Variants in DHRSX observed in about 807,000 individuals in gnomAD.
DHRSX encodes the protein dehydrogenase/reductase X-linked, also known as polyprenol dehydrogenase.
In DHRSX, 31 loss-of-function variants were observed where a neutral mutation model predicts 34.0. That is an observed-to-expected ratio of 0.91 (90% CI 0.69 to 1.23). The LOEUF is 1.23. Among genes scored for constraint, DHRSX ranks in the 50% most tolerant of loss-of-function variants. The probability of loss-of-function intolerance (pLI) is 0.00; values close to 1 mark genes in which losing one functional copy is unlikely to be tolerated. For synonymous variants in DHRSX, 201 were observed against 183.8 expected, an observed-to-expected ratio of 1.09 and a Z score of -0.76; for missense variants, 414 against 428.1, an observed-to-expected ratio of 0.97 and a Z score of 0.29.
intron 1 of DHRSX, among the ~76,000 whole-genome samples, chrX:2,469,049 C>T (rs2095142502): frequency 6.6e-6 from 1 of 151,460 alleles, no homozygotes; most frequent in Non-Finnish European, 1.5e-5. Flanking sequence ...GAGGGGCCTC[C>T]GCCATGTACA....
At chrX:2,282,855 G>C (rs1381961348) in intron 4 of DHRSX, among the ~76,000 whole-genome samples, 1 of 137,508 alleles carries the variant, frequency 7.3e-6, no homozygotes, top group African/African-American at 2.8e-5. Context: ...AGAGAGAAGG[G>C]AGAAGGGGAG....
chrX:2,221,310 G>T, intron 6 of DHRSX, 81 bp from the exon 7 acceptor site: 1 of 1,403,252 alleles, frequency 7.1e-7, no homozygotes, highest in Non-Finnish European at 9.8e-7. Flanking sequence ...CATGGATGCT[G>T]CAGGGACAGG....
chrX:2,381,570 C>T (rs1405068653), intron 3 of DHRSX, among the ~76,000 whole-genome samples: 5 of 151,210 alleles, frequency 3.3e-5, no homozygotes, highest in East Asian at 3.9e-4. Context: ...TGTGGTGAGC[C>T]GAGATCACAC....
In DHRSX at chrX:2,474,987, A is replaced by T. The variant is rs68088760; in HGVS notation, c.109+25830T>A. Among the ~76,000 whole-genome samples, 10 of 150,984 alleles carry T rather than the reference A, an allele frequency of 6.6e-5. No individual in the cohort carries two copies. The East Asian group carries it at 1.8e-3, about 27-fold the overall frequency. ...GTTCCCTAGGCATGTGGCCAAGGGA[A>T]TGCACTGAAGATGTTCCCTAAGCAT... On this transcript the variant is annotated intron_variant, in intron 1 of 6. Transcript: ENST00000334651.
chrX:2,409,010 C>T (rs764993116), intron 2 of DHRSX, among the ~76,000 whole-genome samples, 197 bp from the exon 3 acceptor site: 4 of 152,304 alleles, frequency 2.6e-5, no homozygotes, highest in African/African-American at 9.6e-5. Flanking sequence ...GAGTCATTTT[C>T]TTTAGCCTGC....
At chrX:2,297,698 C>T (rs1420469774) in intron 3 of DHRSX, among the ~76,000 whole-genome samples, 2 of 151,266 alleles carry the variant, frequency 1.3e-5, no homozygotes, top group Non-Finnish European at 2.9e-5. Flanking sequence ...GCCTTGTTAT[C>T]ATACTGCTGC....
chrX:2,390,577 C>T (rs1037356576), intron 3 of DHRSX, among the ~76,000 whole-genome samples: 11 of 152,138 alleles, frequency 7.2e-5, no homozygotes, highest in African/African-American at 2.7e-4. Flanking sequence ...CCATGCATCT[C>T]CAAAATATTT....
At chrX:2,228,465 G>A (rs1489653321) in intron 6 of DHRSX, among the ~76,000 whole-genome samples, 4 of 79,522 alleles carry the variant, frequency 5.0e-5, no homozygotes, top group South Asian at 6.1e-4. Context: ...AGGGAGGGAG[G>A]GAGGGAGGGA....
At chrX:2,304,993 G>A (rs952776728) in intron 3 of DHRSX, among the ~76,000 whole-genome samples, 1 of 151,954 alleles carries the variant, frequency 6.6e-6, no homozygotes, top group African/African-American at 2.4e-5. Flanking sequence ...AAAAAAAATG[G>A]TACATATACA....
At chrX:2,429,314 CTG>C (rs1331067741) in intron 1 of DHRSX, among the ~76,000 whole-genome samples, 5 of 152,064 alleles carry the variant, frequency 3.3e-5, no homozygotes, top group Admixed American at 6.6e-5. Flanking sequence ...ACATGTGTGT[CTG>C]TGTGTGGGTG....
At chrX:2,316,563 C>G in intron 3 of DHRSX, among the ~76,000 whole-genome samples, 1 of 151,856 alleles carries the variant, frequency 6.6e-6, no homozygotes. Context: ...AAAACAACAA[C>G]AATAATAACA....
chrX:2,357,023 C>T (rs1166354611), intron 3 of DHRSX, among the ~76,000 whole-genome samples: 1 of 152,122 alleles, frequency 6.6e-6, no homozygotes, highest in African/African-American at 2.4e-5. Context: ...GTGGGTGGAT[C>T]ACCTGAGGTC....
intron 4 of DHRSX, among the ~76,000 whole-genome samples, chrX:2,277,318 GA>G (rs1371759847): frequency 3.0e-4 from 2 of 6,658 alleles, no homozygotes; most frequent in Non-Finnish European, 1.5e-3. Flanking sequence ...GAGAGAGAAG[GA>G]AGAGGAGGAA....
intron 1 of DHRSX, among the ~76,000 whole-genome samples, chrX:2,454,520 T>G (rs1189761719): frequency 8.7e-6 from 1 of 114,342 alleles, no homozygotes; most frequent in Non-Finnish European, 1.7e-5. Context: ...AGAGAGAAAC[T>G]CCGTCTCAAA....
chrX:2,239,405 CAA>C (rs35401659), intron 6 of DHRSX, among the ~76,000 whole-genome samples: 14 of 123,996 alleles, frequency 1.1e-4, no homozygotes, highest in Admixed American at 1.7e-4. Flanking sequence ...GCCGTTTCTA[CAA>C]AAAAAAAAAA....
At chrX:2,275,614 C>G (rs1415900460) in intron 4 of DHRSX, among the ~76,000 whole-genome samples, 1 of 151,862 alleles carries the variant, frequency 6.6e-6, no homozygotes, top group Non-Finnish European at 1.5e-5. Context: ...CATCTGCACC[C>G]CTAAGCCCTT....
intron 3 of DHRSX, among the ~76,000 whole-genome samples, chrX:2,308,024 G>A (rs956524543): frequency 1.3e-5 from 2 of 152,004 alleles, no homozygotes; most frequent in Non-Finnish European, 2.9e-5. Flanking sequence ...CTTGAGATAG[G>A]TTTTTTCATT....
chrX:2,259,696 G>A (rs1289957735), intron 5 of DHRSX, among the ~76,000 whole-genome samples: 2 of 152,112 alleles, frequency 1.3e-5, no homozygotes, highest in Admixed American at 6.6e-5. Flanking sequence ...CGGTCTTCTA[G>A]GGCAGGAACC....
chrX:2,492,037 T>C (rs966002779), intron 1 of DHRSX, among the ~76,000 whole-genome samples: 2 of 152,136 alleles, frequency 1.3e-5, no homozygotes, highest in Middle Eastern at 3.2e-3. Flanking sequence ...AATATCAAAA[T>C]GCACCACCCA....
Sources: allele counts gnomAD v4.1 joint callset (sites outside exome capture counted in the v4.1 genomes callset), GRCh38; gene constraint gnomAD v4.1.1; transcripts MANE v1.5; gene names NCBI Gene and HGNC (gene_info 2026-07-23, HGNC 2026-07-21).